Variants in ADAMTS10 observed in about 807,000 individuals in gnomAD.
ADAMTS10 encodes A disintegrin and metalloproteinase with thrombospondin motifs 10.
ADAMTS10 carries 48 observed loss-of-function variants against 135.9 expected under a neutral mutation model. That is an observed-to-expected ratio of 0.35 (90% confidence interval 0.28 to 0.45). ADAMTS10 has a LOEUF of 0.45. Among genes scored for constraint, ADAMTS10 ranks in the 20% least tolerant of loss-of-function variants. The pLI, the probability that ADAMTS10 is intolerant of heterozygous loss-of-function variation, is 1.00. For synonymous variants in ADAMTS10, 621 were observed against 647.5 expected (o/e 0.96, Z 0.62); for missense variants, 1,131 against 1,565.2 (o/e 0.72, Z 4.68).
intron 12 of ADAMTS10, chr19:8,593,123 C>A: frequency 1.8e-6 from 1 of 558,360 alleles, no homozygotes; most frequent in Non-Finnish European, 3.2e-6. Context: ...AGTACTACCC[C>A]ATCTTACTGG....
At position 8,592,753 on chromosome 19, in the gene ADAMTS10, C is replaced by G; in HGVS notation, c.1587+10G>C. 6.2e-7 allele frequency: 1 copy of G among 1,607,458 alleles called. No homozygotes were observed. ...GCGTGGCCCAGTTGGGGGCCCTGGCCGGCGCTCACCCCCTTGTCGATGGTG... is the reference window on the plus strand; with the variant it reads ...GCGTGGCCCAGTTGGGGGCCCTGGCGGGCGCTCACCCCCTTGTCGATGGTG... On this transcript the variant is annotated intron_variant, in intron 13 of 25. Coordinates refer to ENST00000597188, the MANE Select transcript of ADAMTS10 (RefSeq NM_030957.4).
At chr19:8,607,101 A>AG (rs1227286490) in intron 2 of ADAMTS10, among the ~76,000 whole-genome samples, 2 of 152,100 alleles carry the variant, frequency 1.3e-5, no homozygotes, top group East Asian at 3.9e-4. Context: ...AGGCACTTGA[A>AG]GGGGGGGCTG....
In ADAMTS10 at chr19:8,605,001, C is replaced by T; in HGVS notation, c.435+11G>A. The stretch of plus-strand genomic sequence containing the variant: ...GGCATTTCCCCCCGCGTTCCAGAAT[C>T]CTCAGCTCACCAGGCCTCCACAGGT... On this transcript the variant is annotated intron_variant, in intron 4 of 25. Transcript: ENST00000597188. The surrounding 1 kb of genome is among the most constrained non-coding windows in gnomAD (Gnocchi z 7.7). The T allele has an allele frequency of 1.3e-6, 2 of 1,592,124 alleles. No individual in the cohort carries two copies. Among genetic ancestry groups the T allele is most frequent in the Non-Finnish European group, 1.7e-6 (2 of 1,170,358 alleles).
rs1373094715 is a variant in ADAMTS10, at chr19:8,605,677, G to A, written c.34C>T (p.Leu12Phe). Residue 12 changes from leucine (L) to phenylalanine (F), a missense_variant, in exon 3 of 26, where the codon CTC (leucine) becomes TTC (phenylalanine). Around this residue, in one of 3 missense-constraint regions of ADAMTS10, gnomAD observed 306 missense variants for 344.4 expected, o/e 0.89. Coordinates refer to ENST00000597188, the MANE Select transcript of ADAMTS10 (RefSeq NM_030957.4). The surrounding 1 kb of genome is among the most constrained non-coding windows in gnomAD (Gnocchi z 7.7). ...APACQILRWA[L>F]ALGLGLMFEV... ...AACATGAGGCCCAGCCCCAGGGCGA[G>A]GGCCCAGCGGAGGATCTGGCAGGCG... is the stretch of plus-strand genomic sequence containing the variant. 8 of 1,612,824 alleles carry A rather than the reference G, an allele frequency of 5.0e-6. No homozygotes were observed. Among genetic ancestry groups the A allele is most frequent in the Non-Finnish European group, 6.8e-6 (8 of 1,179,852 alleles).
chr19:8,602,600 C>T (rs567984153), intron 5 of ADAMTS10, among the ~76,000 whole-genome samples: 1 of 152,116 alleles, frequency 6.6e-6, no homozygotes, highest in East Asian at 1.9e-4. Flanking sequence ...GGATTACAGG[C>T]GTGAGACACT....
chr19:8,603,237 C>T (rs8108747), intron 5 of ADAMTS10, among the ~76,000 whole-genome samples: 60,790 of 151,980 alleles, frequency 0.4, 12,597 homozygotes, highest in Non-Finnish European at 0.45. Flanking sequence ...ACTGGTTCGC[C>T]GTCTGAGGAT....
chr19:8,587,032 C>A, intron 18 of ADAMTS10, 136 bp from the exon 19 acceptor site: 1 of 931,826 alleles, frequency 1.1e-6, no homozygotes, highest in East Asian at 2.6e-5. Context: ...CTGCCCCACC[C>A]TTGTGAACCA....
At chr19:8,602,353 C>CT (rs1555741712) in intron 5 of ADAMTS10, among the ~76,000 whole-genome samples, 1 of 152,172 alleles carries the variant, frequency 6.6e-6, no homozygotes, top group African/African-American at 2.4e-5. Context: ...GAGCCTCACT[C>CT]TGTCGCCCAG....
chr19:8,606,835 G>C (rs931573456), intron 2 of ADAMTS10, among the ~76,000 whole-genome samples: 1 of 152,124 alleles, frequency 6.6e-6, no homozygotes, highest in Non-Finnish European at 1.5e-5. Flanking sequence ...TAGCCCTGTG[G>C]GGTTCCATCT....
Position 8,585,771 on chromosome 19 carries a change from A to G in ADAMTS10, c.2661-111T>C, listed in dbSNP as rs2042419906. The G allele has an allele frequency of 6.0e-6, 7 of 1,157,682 alleles. No individual in the cohort carries two copies. In the South Asian group the frequency reaches 9.4e-5, roughly 16 times the overall value. 71.7% of individuals were successfully genotyped at this position (1,157,682 alleles called of 1,614,324 possible). A position where few individuals can be genotyped will look rare whatever the true frequency, so the allele number is the denominator to read the frequency against. On this transcript the variant is annotated intron_variant, in intron 22 of 25. Coordinates refer to ENST00000597188, the MANE Select transcript of ADAMTS10 (RefSeq NM_030957.4). ...CTTCCAATCACCCAGCCTCATATGG[A>G]AACTGGCACCAGGCACCTCCACATT... is the stretch of plus-strand genomic sequence containing the variant.
Position 8,586,395 on chromosome 19 carries a change from A to G in ADAMTS10, c.2479T>C (p.Tyr827His). The change falls in exon 21 of 26, where the codon TAC (tyrosine) becomes CAC (histidine). Residue 827 changes from tyrosine to histidine, a missense_variant. By Grantham distance (83) the Tyr-to-His change is moderately conservative (BLOSUM62 2). Transcript: ENST00000597188. ...APIARDSLPP[Y>H]SWHYAPWTKC... is the part of the protein sequence containing the mutation. ...GTCCAGGGCGCATAGTGCCAGGAGT[A>G]GGGGGGCAGCGAGTCACGGGCGATG... 6.2e-7 allele frequency: 1 copy of G among 1,613,834 alleles called. No individual in the cohort carries two copies. Among genetic ancestry groups the G allele is most frequent in the Non-Finnish European group, 8.5e-7 (1 of 1,179,988 alleles).
chr19:8,592,728 G>A, intron 13 of ADAMTS10, 35 bp downstream of exon 13: 3 of 1,584,436 alleles, frequency 1.9e-6, no homozygotes, highest in Middle Eastern at 1.7e-4. Context: ...GGCTCAGGGG[G>A]CGTGGCCCAG....
intron 2 of ADAMTS10, among the ~76,000 whole-genome samples, chr19:8,607,325 T>C (rs900864207): frequency 6.6e-6 from 1 of 152,152 alleles, no homozygotes; most frequent in Non-Finnish European, 1.5e-5. Flanking sequence ...TGGGTAGCAC[T>C]ATTCACTCCC....
At chr19:8,586,781 C>T (rs1555737372) in intron 19 of ADAMTS10, 35 bp downstream of exon 19, 3 of 1,614,008 alleles carry the variant, frequency 1.9e-6, no homozygotes, top group East Asian at 2.2e-5. Flanking sequence ...CCCCACTGAC[C>T]CCTAATCCTC....
chr19:8,595,635 C>T, intron 12 of ADAMTS10, 127 bp downstream of exon 12: 4 of 1,440,190 alleles, frequency 2.8e-6, no homozygotes, highest in Non-Finnish European at 3.8e-6. Flanking sequence ...CATGGGGGCT[C>T]ACCTCACCCC....
Position 8,603,754 on chromosome 19 carries a change from T to TG in ADAMTS10, c.565dup (p.His189ProfsTer11). The TG allele has an allele frequency of 6.2e-7, 1 of 1,613,988 alleles. No individual in the cohort carries two copies. Among genetic ancestry groups the TG allele is most frequent in the South Asian group, 1.1e-5 (1 of 91,066 alleles). On this transcript the variant is annotated frameshift_variant, in exon 5 of 26. Coordinates refer to ENST00000597188, the MANE Select transcript of ADAMTS10 (RefSeq NM_030957.4). LOFTEE classifies it high-confidence loss of function. ...TCTCACTCCACAGGCTGTGTCCAGG[T>TG]GGGGGTGACGCAGAGAGGAACGCTT...
chr19:8,585,760 G>T, intron 22 of ADAMTS10, 100 bp from the exon 23 acceptor site: 1 of 1,238,974 alleles, frequency 8.1e-7, no homozygotes, highest in Non-Finnish European at 1.1e-6. Flanking sequence ...CAATCACCCA[G>T]CCTCATATGG....
chr19:8,600,967 G>A lies in ADAMTS10; in HGVS notation c.771C>T (p.Arg257=). 3 of 1,614,154 alleles carry A rather than the reference G, an allele frequency of 1.9e-6. No individual in the cohort carries two copies. Among genetic ancestry groups the A allele is most frequent in the South Asian group, 1.1e-5 (1 of 91,080 alleles). Residue 257 remains arginine (R), a synonymous_variant, in exon 6 of 26, where the codon CGC becomes CGT. Transcript: ENST00000597188. Reference sequence around the variant, plus strand: ...CCAGGACATACTGCTCCACATCCCGGCGCCCGTGATAGGCCACCATCATCT... The same window carrying A: ...CCAGGACATACTGCTCCACATCCCGACGCCCGTGATAGGCCACCATCATCT... ...ADKMMVAYHG[R]RDVEQYVLAI... is the part of the protein sequence containing the mutation.
At position 8,586,429 on chromosome 19, in the gene ADAMTS10, G is replaced by C; in HGVS notation, c.2445C>G (p.Phe815Leu). ...GCGAGTCACGGGCGATGGGGGCATT[G>C]AAGCGGTAGCGGAGGGCAGGCAGCT... Reference protein sequence around the residue: ...RTELPALRYRFNAPIARDSLP... With the variant: ...RTELPALRYRLNAPIARDSLP... Residue 815 changes from phenylalanine to leucine, a missense_variant, in exon 21 of 26, where the codon TTC becomes TTG. Around this residue, in one of 3 missense-constraint regions of ADAMTS10, gnomAD observed 745 missense variants for 1,056.3 expected, o/e 0.71. Transcript: ENST00000597188. 1 of 1,613,984 alleles carries C rather than the reference G, an allele frequency of 6.2e-7. No individual in the cohort carries two copies. The highest frequency in any genetic ancestry group is 8.5e-7 in the Non-Finnish European group (1 of 1,180,008).
Sources: allele counts gnomAD v4.1 joint callset (sites outside exome capture counted in the v4.1 genomes callset), GRCh38; gene constraint gnomAD v4.1.1; regional missense constraint gnomAD v4.1.1; non-coding constraint Gnocchi (gnomAD v3.1); transcripts MANE v1.5; gene names NCBI Gene and HGNC (gene_info 2026-07-23, HGNC 2026-07-21).